The following ARHGEF10L variants were observed in gnomAD, a reference collection of about 807,000 sequenced individuals.
ARHGEF10L encodes the protein rho guanine nucleotide exchange factor 10-like protein.
ARHGEF10L carries 69 observed loss-of-function variants against 141.2 expected under a neutral mutation model. The observed-to-expected ratio is 0.49, with a 90% CI of 0.40 to 0.60. The LOEUF (loss-of-function observed/expected upper bound fraction) is 0.60. ARHGEF10L is among the 20% of genes least tolerant of loss of function. The pLI, the probability that ARHGEF10L is intolerant of heterozygous loss-of-function variation, is 0.00. For missense variants in ARHGEF10L, 1,482 were observed against 1,734.3 expected (o/e 0.85, Z 2.58); for synonymous variants, 711 against 718.5 (o/e 0.99, Z 0.17).
chr1:17,602,064 G>A (rs1297096916), intron 4 of ARHGEF10L, 63 bp from the exon 5 acceptor site: 2 of 1,417,880 alleles, frequency 1.4e-6, no homozygotes, highest in Non-Finnish European at 1.9e-6. Context: ...CCAGGTGAGG[G>A]GCTGCCAGAG....
chr1:17,545,362 T>C (rs2076881539), intron 1 of ARHGEF10L, among the ~76,000 whole-genome samples: 1 of 152,312 alleles, frequency 6.6e-6, no homozygotes, highest in South Asian at 2.1e-4. Context: ...CTGATCTTAG[T>C]GTCCTCATTG....
At chr1:17,548,877 G>A (rs889333107) in intron 1 of ARHGEF10L, among the ~76,000 whole-genome samples, 4 of 151,794 alleles carry the variant, frequency 2.6e-5, no homozygotes, top group African/African-American at 9.7e-5. Context: ...TTGAACTCCT[G>A]ACCTCAAATG....
intron 1 of ARHGEF10L, among the ~76,000 whole-genome samples, chr1:17,561,968 A>C (rs1401424539): frequency 2.6e-5 from 4 of 152,066 alleles, no homozygotes; most frequent in Non-Finnish European, 5.9e-5. Context: ...TGGCTGACCT[A>C]CTCCCTAGCT....
At position 17,588,496 on chromosome 1, in the gene ARHGEF10L, C is replaced by T; in HGVS notation, c.257+17C>T. On this transcript the variant is annotated intron_variant, in intron 4 of 28. Coordinates refer to ENST00000361221, the MANE Select transcript of ARHGEF10L (RefSeq NM_018125.4). ...CGGCACAGGGTAAGTGAACCTTGCTCCTTTGCTTTGGCGGTTGGAAACAGG... is the reference window on the plus strand; with the variant it reads ...CGGCACAGGGTAAGTGAACCTTGCTTCTTTGCTTTGGCGGTTGGAAACAGG... The T allele has an allele frequency of 6.2e-7, 1 of 1,613,900 alleles. No individual in the cohort carries two copies. The highest frequency in any genetic ancestry group is 8.5e-7 in the Non-Finnish European group (1 of 1,179,910).
chr1:17,684,808 G>A (rs2064426359), intron 26 of ARHGEF10L, among the ~76,000 whole-genome samples: 1 of 152,170 alleles, frequency 6.6e-6, no homozygotes, highest in Non-Finnish European at 1.5e-5. Context: ...CCTGGGGAGA[G>A]GAACCACACT....
intron 26 of ARHGEF10L, among the ~76,000 whole-genome samples, chr1:17,686,802 T>C (rs540388118): frequency 1.3e-5 from 2 of 152,122 alleles, no homozygotes; most frequent in Non-Finnish European, 2.9e-5. Context: ...ATCTTCTTTT[T>C]TAAAAAAGTT....
At chr1:17,684,023 C>G (rs1252912299) in intron 26 of ARHGEF10L, among the ~76,000 whole-genome samples, 1 of 152,196 alleles carries the variant, frequency 6.6e-6, no homozygotes, top group Non-Finnish European at 1.5e-5. Flanking sequence ...GTTTGTGCAT[C>G]CGTGAGCAAG....
intron 4 of ARHGEF10L, among the ~76,000 whole-genome samples, chr1:17,596,927 C>T (rs1354035258): frequency 5.3e-5 from 8 of 152,156 alleles, no homozygotes; most frequent in East Asian, 1.9e-4. Flanking sequence ...TGGTGGCACA[C>T]GGGGACCTAC....
intron 2 of ARHGEF10L, among the ~76,000 whole-genome samples, chr1:17,584,514 C>G (rs1013458640): frequency 6.6e-6 from 1 of 152,040 alleles, no homozygotes; most frequent in African/African-American, 2.4e-5. Flanking sequence ...GTAGAGGAGA[C>G]AGACAGCAAC....
chr1:17,685,371 G>A (rs2064485314), intron 26 of ARHGEF10L, among the ~76,000 whole-genome samples: 1 of 152,092 alleles, frequency 6.6e-6, no homozygotes, highest in East Asian at 1.9e-4. Flanking sequence ...CCCCACCACG[G>A]GTCCCTCTGC....
chr1:17,554,511 A>G (rs1352979991), intron 1 of ARHGEF10L, among the ~76,000 whole-genome samples: 1 of 151,810 alleles, frequency 6.6e-6, no homozygotes, highest in African/African-American at 2.4e-5. Flanking sequence ...CCATGATGCC[A>G]GACCCAGCAA....
chr1:17,619,675 C>G lies in ARHGEF10L; in HGVS notation c.942+230C>G, dbSNP rs2060000839. Among the ~76,000 whole-genome samples, 1 of 152,136 alleles carries G rather than the reference C, an allele frequency of 6.6e-6. No individual in the cohort carries two copies. On this transcript the variant is annotated intron_variant, in intron 10 of 28. Transcript: ENST00000361221. The surrounding 1 kb of genome is among the most constrained non-coding windows in gnomAD (Gnocchi z 5.0). ...TGTGCTGTTGGTTTTGGGGGGTGGG[C>G]TCCCGGCATCTAGAACGCTTGCGTC...
chr1:17,613,315 C>T, intron 8 of ARHGEF10L, 141 bp downstream of exon 8: 2 of 660,428 alleles, frequency 3.0e-6, no homozygotes, highest in Non-Finnish European at 2.7e-6. Context: ...AGACCTGGAC[C>T]CTGGCCACCC....
chr1:17,655,480 TATCC>T lies in ARHGEF10L; in HGVS notation c.2482-385_2482-382del, dbSNP rs143662315. On this transcript the variant is annotated intron_variant, in intron 23 of 28. Transcript: ENST00000361221. Reference sequence around the variant, plus strand: ...CCATCCATCCATCCATCCATCCATCTATCCATCCATCCATCCAACAAGAATATAT... The same window carrying T: ...CCATCCATCCATCCATCCATCCATCTATCCATCCATCCAACAAGAATATAT... 2.0e-3 allele frequency among the ~76,000 whole-genome samples: 217 copies of T among 110,942 alleles called. 2 individuals are homozygous for T. The highest frequency in any genetic ancestry group is 5.9e-3 in the African/African-American group (207 of 35,148). The allele number at this position is 110,942 out of a possible 152,430, so 72.8% of individuals were successfully genotyped here. A position where few individuals can be genotyped will look rare whatever the true frequency, so the allele number is the denominator to read the frequency against.
chr1:17,645,282 T>C (rs558184421), intron 21 of ARHGEF10L, among the ~76,000 whole-genome samples: 4 of 152,066 alleles, frequency 2.6e-5, no homozygotes, highest in East Asian at 3.9e-4. Context: ...ACGGGAACAA[T>C]GGCAGTGGCA....
the ARHGEF10L span, among the ~76,000 whole-genome samples, chr1:17,533,668 G>C: frequency 5.3e-5 from 8 of 152,250 alleles, no homozygotes; most frequent in South Asian, 2.1e-4. Context: ...AACCTAGAAG[G>C]CTTGAGGTGT....
In ARHGEF10L at chr1:17,656,034, G is replaced by C. The variant is rs963704863; in HGVS notation, c.2637G>C (p.Glu879Asp). The C allele has an allele frequency of 6.4e-7, 1 of 1,571,100 alleles. No individual in the cohort carries two copies. The highest frequency in any genetic ancestry group is 1.3e-5 in the African/African-American group (1 of 74,102). ...AGGAGGAGGCGGAGAGCAGAGACGAGAGCCCGACAGTTGCTGACCCCTCGG... is the reference window on the plus strand; with the variant it reads ...AGGAGGAGGCGGAGAGCAGAGACGACAGCCCGACAGTTGCTGACCCCTCGG... ...ELEEEAESRD[E>D]SPTVADPSAT... The change falls in exon 24 of 29, where the codon GAG becomes GAC. Residue 879 changes from glutamate to aspartate, a missense_variant. Coordinates refer to ENST00000361221, the MANE Select transcript of ARHGEF10L (RefSeq NM_018125.4). This position sits in a 1 kb window ranked among gnomAD's most constrained non-coding sequence, Gnocchi z 4.9.
chr1:17,577,949 G>A (rs1192611031), intron 1 of ARHGEF10L, among the ~76,000 whole-genome samples: 1 of 152,144 alleles, frequency 6.6e-6, no homozygotes, highest in Non-Finnish European at 1.5e-5. Flanking sequence ...TGGAGGGGAG[G>A]GCAGGAATCA....
At chr1:17,594,169 T>C (rs2079855748) in intron 4 of ARHGEF10L, among the ~76,000 whole-genome samples, 1 of 151,874 alleles carries the variant, frequency 6.6e-6, no homozygotes, top group African/African-American at 2.4e-5. Context: ...CAGCACTTCT[T>C]ACATGCTGCG....
Sources: gnomAD v4.1 joint callset for allele counts (sites outside exome capture counted in the v4.1 genomes callset) on GRCh38, gnomAD v4.1.1 for gene constraint, Gnocchi (gnomAD v3.1) non-coding constraint, MANE v1.5 for transcripts, NCBI Gene and HGNC (gene_info 2026-07-23, HGNC 2026-07-21) for gene names.